ADCY2: variants seen among roughly 807,000 people sequenced by gnomAD.
ADCY2 encodes adenylate cyclase 2, also known as adenylate cyclase type 2.
Under a neutral mutation model 125.2 loss-of-function variants are expected in ADCY2, and 31 were observed. That is an observed-to-expected ratio of 0.25 (90% CI 0.19 to 0.33). The LOEUF (loss-of-function observed/expected upper bound fraction) is 0.33. Ranked by LOEUF, ADCY2 falls within the 10% of genes least tolerant of loss-of-function variation. The pLI, the probability that ADCY2 is intolerant of heterozygous loss-of-function variation, is 1.00. For missense variants in ADCY2, 904 were observed against 1,418.2 expected (o/e 0.64, Z 5.82); for synonymous variants, 512 against 548.4 (o/e 0.93, Z 0.93).
At chr5:7,412,010 G>C (rs1469661274) in intron 1 of ADCY2, among the ~76,000 whole-genome samples, 1 of 151,766 alleles carries the variant, frequency 6.6e-6, no homozygotes, top group Admixed American at 6.6e-5. Context: ...AGGAGGCGGA[G>C]CTTGCAGTGA....
chr5:7,588,406 G>A (rs1222646337), intron 3 of ADCY2, among the ~76,000 whole-genome samples: 5 of 152,086 alleles, frequency 3.3e-5, no homozygotes, highest in African/African-American at 1.2e-4. Flanking sequence ...AGCCCACTGG[G>A]CCTTTTTTGG....
At chr5:7,765,775 A>G (rs1240929672) in intron 16 of ADCY2, among the ~76,000 whole-genome samples, 1 of 152,202 alleles carries the variant, frequency 6.6e-6, no homozygotes, top group Non-Finnish European at 1.5e-5. Context: ...TAATAGGTTT[A>G]TGGATGAGAT....
In ADCY2 at chr5:7,456,053, A is replaced by T. The variant is rs189526747; in HGVS notation, c.408+41283A>T. Among the ~76,000 whole-genome samples, 73 of 151,642 alleles carry T rather than the reference A, an allele frequency of 4.8e-4. 1 individual carries two copies. The East Asian group carries it at 0.011, about 23-fold the overall frequency. On this transcript the variant is annotated intron_variant, in intron 2 of 24. Coordinates refer to ENST00000338316, the MANE Select transcript of ADCY2 (RefSeq NM_020546.3). The stretch of plus-strand genomic sequence containing the variant: ...ATGAGGCCTTGAGATAAACTATTTT[A>T]TAGTGTCTGTAGGAAGGAAAGTAGT...
intron 3 of ADCY2, among the ~76,000 whole-genome samples, chr5:7,593,213 C>G (rs1233869669): frequency 1.3e-5 from 2 of 152,126 alleles, no homozygotes. Context: ...TCATCTGGGA[C>G]TAGGCAATGG....
At chr5:7,530,861 CT>C (rs1300757783) in intron 3 of ADCY2, among the ~76,000 whole-genome samples, 1 of 152,124 alleles carries the variant, frequency 6.6e-6, no homozygotes, top group Non-Finnish European at 1.5e-5. Flanking sequence ...CCCAGAGTGC[CT>C]TTCCTACCCC....
chr5:7,464,341 C>T (rs1483080869), intron 2 of ADCY2, among the ~76,000 whole-genome samples: 1 of 152,112 alleles, frequency 6.6e-6, no homozygotes, highest in African/African-American at 2.4e-5. Context: ...AGCTGAGTAC[C>T]TCTTTCCACC....
At chr5:7,690,384 CT>C (rs914439526) in intron 4 of ADCY2, among the ~76,000 whole-genome samples, 1 of 152,144 alleles carries the variant, frequency 6.6e-6, no homozygotes, top group Non-Finnish European at 1.5e-5. Context: ...AATATTGTTT[CT>C]GCTTTGCTAC....
intron 11 of ADCY2, among the ~76,000 whole-genome samples, chr5:7,716,704 C>A (rs1172108710): frequency 6.6e-6 from 1 of 152,126 alleles, no homozygotes; most frequent in African/African-American, 2.4e-5. Flanking sequence ...CTTACTGACA[C>A]AGAAAGACAA....
At chr5:7,438,584 G>A (rs1242872396) in intron 2 of ADCY2, among the ~76,000 whole-genome samples, 3 of 152,188 alleles carry the variant, frequency 2.0e-5, no homozygotes. Context: ...GCAGGGAGGT[G>A]TGAGTGCTGG....
chr5:7,549,353 C>T (rs1005101887), intron 3 of ADCY2, among the ~76,000 whole-genome samples: 7 of 152,208 alleles, frequency 4.6e-5, no homozygotes, highest in South Asian at 2.1e-4. Context: ...AGGGAGATGG[C>T]AGAATCCTGT....
chr5:7,434,050 C>T (rs890705612), intron 2 of ADCY2, among the ~76,000 whole-genome samples: 35 of 151,974 alleles, frequency 2.3e-4, no homozygotes, highest in African/African-American at 6.5e-4. Flanking sequence ...CTCCTCATGA[C>T]GTCAATACAG....
intron 3 of ADCY2, among the ~76,000 whole-genome samples, chr5:7,547,493 C>T (rs1389119616): frequency 2.6e-5 from 4 of 152,160 alleles, no homozygotes; most frequent in South Asian, 4.1e-4. Flanking sequence ...GGCAGATGGG[C>T]GTGTCCGGGG....
intron 24 of ADCY2, among the ~76,000 whole-genome samples, chr5:7,822,179 T>C (rs1745322262): frequency 6.6e-6 from 1 of 152,224 alleles, no homozygotes. Context: ...TTGGATAATA[T>C]ATGTAGAATG....
At chr5:7,589,861 A>G (rs1300093406) in intron 3 of ADCY2, among the ~76,000 whole-genome samples, 1 of 152,132 alleles carries the variant, frequency 6.6e-6, no homozygotes, top group African/African-American at 2.4e-5. Context: ...TTCCTCTCCC[A>G]GATATATTAA....
chr5:7,751,399 A>G (rs1423729140), intron 15 of ADCY2, among the ~76,000 whole-genome samples: 1 of 151,908 alleles, frequency 6.6e-6, no homozygotes, highest in East Asian at 1.9e-4. Context: ...TTTTATTGTG[A>G]GGTTATGTTC....
intron 2 of ADCY2, among the ~76,000 whole-genome samples, chr5:7,482,159 T>C (rs1028017386): frequency 6.6e-6 from 1 of 152,172 alleles, no homozygotes; most frequent in African/African-American, 2.4e-5. Flanking sequence ...GTGGTTTTGA[T>C]TTGCATTTAC....
chr5:7,614,285 C>T (rs1737676241), intron 3 of ADCY2, among the ~76,000 whole-genome samples: 1 of 152,152 alleles, frequency 6.6e-6, no homozygotes, highest in Non-Finnish European at 1.5e-5. Flanking sequence ...GACTAAGAAC[C>T]TCCATCTCTC....
rs1412141741 is a variant in ADCY2 at position 7,741,673 on chromosome 5, A to T, written c.1872-1995A>T. 2.7e-5 allele frequency among the ~76,000 whole-genome samples: 4 copies of T among 149,840 alleles called. No individual in the cohort carries two copies. In the South Asian group the frequency reaches 8.4e-4, roughly 31 times the overall value. On this transcript the variant is annotated intron_variant, in intron 14 of 24. Coordinates refer to ENST00000338316, the MANE Select transcript of ADCY2 (RefSeq NM_020546.3). ...CATCCTCATTATCATCATCATCATC[A>T]TCACCATCACCGTCACCATCATCAC...
intron 4 of ADCY2, among the ~76,000 whole-genome samples, chr5:7,676,266 A>G (rs1441446670): frequency 6.6e-6 from 1 of 152,238 alleles, no homozygotes; most frequent in East Asian, 1.9e-4. Flanking sequence ...TGCTACGGGT[A>G]GTGGTATGGT....
Sources: gnomAD v4.1 joint callset for allele counts (sites outside exome capture counted in the v4.1 genomes callset) on GRCh38, gnomAD v4.1.1 for gene constraint, MANE v1.5 for transcripts, NCBI Gene and HGNC (gene_info 2026-07-23, HGNC 2026-07-21) for gene names.